ANKRD11: variants seen among roughly 807,000 people sequenced by gnomAD.
ANKRD11 encodes the protein ankyrin repeat domain 11, also known as ankyrin repeat domain-containing protein 11.
ANKRD11 carries 17 observed loss-of-function variants against 195.7 expected under a neutral mutation model. The ratio of observed to expected loss-of-function variants is 0.09; its 90% CI spans 0.06 to 0.13. The LOEUF (loss-of-function observed/expected upper bound fraction) is 0.13, where lower values mean the gene tolerates loss of function less well. Ranked by LOEUF, ANKRD11 falls within the 10% of genes least tolerant of loss-of-function variation. The pLI, the probability that ANKRD11 is intolerant of heterozygous loss-of-function variation, is 1.00. For synonymous variants in ANKRD11, 1,953 were observed against 1,528.1 expected, an observed-to-expected ratio of 1.28 and a Z score of -6.49; for missense variants, 3,735 against 3,566.1, an observed-to-expected ratio of 1.05 and a Z score of -1.21.
intron 2 of ANKRD11, among the ~76,000 whole-genome samples, chr16:89,409,286 A>G (rs930708886): frequency 6.6e-6 from 1 of 152,202 alleles, no homozygotes; most frequent in Non-Finnish European, 1.5e-5. Context: ...ACTAGGCTAC[A>G]AGAAAGCTCA....
intron 2 of ANKRD11, among the ~76,000 whole-genome samples, chr16:89,331,081 G>A (rs2038041767): frequency 6.6e-6 from 1 of 152,074 alleles, no homozygotes; most frequent in African/African-American, 2.4e-5. Context: ...AGCCTCCTGA[G>A]TAGCTGGGAC....
At chr16:89,273,172 TTTGTAACTCAAGGGCTAAATGC>T (rs1174519330) in intron 11 of ANKRD11, 1 of 152,110 alleles carries the variant, frequency 6.6e-6, no homozygotes, top group Non-Finnish European at 1.5e-5. Flanking sequence ...AACTGGATTG[TTTGTAACTCAAGGGCTAAATGC>T]TTGAGGGGAT....
intron 9 of ANKRD11, among the ~76,000 whole-genome samples, chr16:89,276,208 C>G (rs2151709182): frequency 6.6e-6 from 1 of 152,312 alleles, no homozygotes; most frequent in East Asian, 1.9e-4. Flanking sequence ...GAGACCAACG[C>G]TGGCGATGCC....
intron 2 of ANKRD11, chr16:89,395,997 G>C (rs2041410115): frequency 6.6e-6 from 1 of 152,212 alleles, no homozygotes; most frequent in Admixed American, 6.5e-5. Flanking sequence ...CCAATCTTCA[G>C]TCAAAGAATG....
chr16:89,486,027 G>C (rs2152380991), intron 1 of ANKRD11, among the ~76,000 whole-genome samples: 1 of 152,266 alleles, frequency 6.6e-6, no homozygotes, highest in African/African-American at 2.4e-5. Flanking sequence ...CCTGCTAAAA[G>C]TGCTTTCACA....
rs2034404066 is a variant in ANKRD11 at position 89,283,157 on chromosome 16, T to C, written c.3385A>G (p.Ser1129Gly). Residue 1129 changes from serine to glycine, a missense_variant, in exon 9 of 13, where the codon AGC (serine) becomes GGC (glycine). By Grantham distance (56) the Ser-to-Gly change is moderately conservative. Transcript: ENST00000301030. This position sits in a 1 kb window ranked among gnomAD's most constrained non-coding sequence, Gnocchi z 4.3. ...FTDESEDDRD[S>G]CMGSGFKMGE... ...ATCTTGAACCCGCTCCCCATGCAGC[T>C]GTCTCTGTCGTCCTCACTCTCATCT... 2 of 1,614,080 alleles carry C rather than the reference T, an allele frequency of 1.2e-6. No individual in the cohort carries two copies. Among genetic ancestry groups the C allele is most frequent in the Non-Finnish European group, 1.7e-6 (2 of 1,180,028 alleles).
chr16:89,321,559 G>A (rs1439904776), intron 2 of ANKRD11, among the ~76,000 whole-genome samples: 1 of 152,024 alleles, frequency 6.6e-6, no homozygotes, highest in Non-Finnish European at 1.5e-5. Flanking sequence ...CAGGGAGTCC[G>A]TGGACCATGG....
chr16:89,355,391 A>G (rs566921703), intron 2 of ANKRD11, among the ~76,000 whole-genome samples: 55 of 152,330 alleles, frequency 3.6e-4, no homozygotes, highest in African/African-American at 1.3e-3. Flanking sequence ...AGAAGAGCTG[A>G]TTAAGTTTCT....
chr16:89,270,727 C>T, intron 12 of ANKRD11, 90 bp downstream of exon 12: 4 of 1,316,636 alleles, frequency 3.0e-6, no homozygotes, highest in Non-Finnish European at 4.3e-6. Context: ...CGGCCTCCCC[C>T]CAGGCAGCGC....
intron 2 of ANKRD11, among the ~76,000 whole-genome samples, chr16:89,335,934 T>A (rs2038328910): frequency 6.6e-6 from 1 of 152,198 alleles, no homozygotes; most frequent in African/African-American, 2.4e-5. Flanking sequence ...TGCTGAGGCA[T>A]CCGCCGCAAA....
At chr16:89,443,099 TCTC>T (rs1193817502) in intron 1 of ANKRD11, among the ~76,000 whole-genome samples, 2 of 152,092 alleles carry the variant, frequency 1.3e-5, no homozygotes, top group African/African-American at 2.4e-5. Context: ...CCCAAGCAAT[TCTC>T]CTGCCTCAGC....
chr16:89,323,412 G>A (rs1306243298), intron 2 of ANKRD11: 5 of 1,169,846 alleles, frequency 4.3e-6, no homozygotes, highest in Middle Eastern at 2.4e-4. Flanking sequence ...CCCAGGGCAG[G>A]GGGGCTGAGC....
intron 11 of ANKRD11, among the ~76,000 whole-genome samples, chr16:89,274,226 A>C (rs2033439213): frequency 6.6e-6 from 1 of 152,186 alleles, no homozygotes; most frequent in Non-Finnish European, 1.5e-5. Context: ...GAGCAGGTCA[A>C]AGGCACGGGA....
At chr16:89,274,751 G>A in intron 11 of ANKRD11, 63 bp downstream of exon 11, 1 of 1,598,446 alleles carries the variant, frequency 6.3e-7, no homozygotes, top group Non-Finnish European at 8.5e-7. Context: ...CTATCAAGGG[G>A]AGGGGAGGCG....
At chr16:89,286,285 C>T (rs1267023820) in intron 7 of ANKRD11, 99 bp from the exon 8 acceptor site, 12 of 1,536,396 alleles carry the variant, frequency 7.8e-6, no homozygotes, top group South Asian at 3.4e-5. Context: ...CCCTGGGGTT[C>T]GACCCGAGAG....
intron 2 of ANKRD11, among the ~76,000 whole-genome samples, chr16:89,326,819 C>A (rs920069325): frequency 6.6e-6 from 1 of 152,232 alleles, no homozygotes; most frequent in Non-Finnish European, 1.5e-5. Flanking sequence ...TGCCCCAAAG[C>A]ATCTCCTAAG....
At chr16:89,382,707 T>C (rs1385133486) in intron 2 of ANKRD11, among the ~76,000 whole-genome samples, 1 of 151,038 alleles carries the variant, frequency 6.6e-6, no homozygotes, top group East Asian at 2.0e-4. Flanking sequence ...CTCAAACTCC[T>C]GGGCTCAAGT....
chr16:89,341,170 C>T (rs1019511383), intron 2 of ANKRD11, among the ~76,000 whole-genome samples: 11 of 152,218 alleles, frequency 7.2e-5, no homozygotes, highest in African/African-American at 2.7e-4. Context: ...ACCCACAGCT[C>T]TGTTTCTAAG....
At chr16:89,371,359 A>G (rs74033784) in intron 2 of ANKRD11, among the ~76,000 whole-genome samples, 168 of 152,360 alleles carry the variant, frequency 1.1e-3, no homozygotes, top group African/African-American at 3.9e-3. Context: ...TGTCCATTCT[A>G]CCATTTGGTG....
Sources: gnomAD v4.1 joint callset for allele counts (sites outside exome capture counted in the v4.1 genomes callset) on GRCh38, gnomAD v4.1.1 for gene constraint, Gnocchi (gnomAD v3.1) non-coding constraint, MANE v1.5 for transcripts, NCBI Gene and HGNC (gene_info 2026-07-23, HGNC 2026-07-21) for gene names.